Variants in PCDHA11 observed in about 807,000 individuals in gnomAD.
PCDHA11 encodes the protein protocadherin alpha-11.
Under a neutral mutation model 70.3 loss-of-function variants are expected in PCDHA11, and 61 were observed. The observed-to-expected ratio is 0.87, with a 90% CI of 0.71 to 1.07. PCDHA11 has a LOEUF of 1.07. Among genes scored for constraint, PCDHA11 ranks in the 50% least tolerant of loss-of-function variants. The pLI, the probability that PCDHA11 is intolerant of heterozygous loss-of-function variation, is 0.00. For synonymous variants in PCDHA11, 633 were observed against 555.1 expected (o/e 1.14, Z -1.97); for missense variants, 1,324 against 1,237.5 (o/e 1.07, Z -1.05).
At chr5:140,871,552 AGT>A in intron 1 of PCDHA11, 58 bp downstream of exon 1, 1 of 1,493,376 alleles carries the variant, frequency 6.7e-7, no homozygotes, top group Non-Finnish European at 8.9e-7. Context: ...TTTAAAATCC[AGT>A]TTTTTTTCAC....
chr5:140,918,403 C>G (rs192008600), intron 1 of PCDHA11, among the ~76,000 whole-genome samples: 1 of 152,278 alleles, frequency 6.6e-6, no homozygotes, highest in African/African-American at 2.4e-5. Flanking sequence ...CCTGATTTCT[C>G]TGGCCAGGAC....
intron 1 of PCDHA11, among the ~76,000 whole-genome samples, chr5:140,898,790 AT>A (rs1193457354): frequency 2.6e-5 from 4 of 152,112 alleles, no homozygotes; most frequent in African/African-American, 7.2e-5. Flanking sequence ...CAGTATGGCC[AT>A]TTTCACGATA....
chr5:140,915,363 G>C (rs1554196864), intron 1 of PCDHA11, among the ~76,000 whole-genome samples: 1 of 152,136 alleles, frequency 6.6e-6, no homozygotes, highest in Non-Finnish European at 1.5e-5. Context: ...ATTCTTACCA[G>C]TAAGTGTCTC....
At chr5:140,887,757 C>T (rs1303665192) in intron 1 of PCDHA11, among the ~76,000 whole-genome samples, 16 of 152,166 alleles carry the variant, frequency 1.1e-4, no homozygotes, top group Admixed American at 9.8e-4. Flanking sequence ...TCCAGTAACA[C>T]ATATGTTACA....
intron 1 of PCDHA11, among the ~76,000 whole-genome samples, chr5:140,959,596 A>G (rs2095498979): frequency 6.6e-6 from 1 of 152,224 alleles, no homozygotes; most frequent in Non-Finnish European, 1.5e-5. Flanking sequence ...AGCCAAGTAT[A>G]ACATGCTTTT....
intron 1 of PCDHA11, among the ~76,000 whole-genome samples, chr5:140,899,853 G>T (rs2067594174): frequency 6.6e-6 from 1 of 152,118 alleles, no homozygotes; most frequent in South Asian, 2.1e-4. Context: ...TGTCACCCAG[G>T]CTGGAGTGCA....
In PCDHA11 at chr5:140,870,209, C is replaced by T. The variant is rs1174096449; in HGVS notation, c.1106C>T (p.Ala369Val). 3 of 1,614,176 alleles carry T rather than the reference C, an allele frequency of 1.9e-6. No homozygotes were observed. The highest frequency in any genetic ancestry group is 4.5e-5 in the East Asian group (2 of 44,882). Residue 369 changes from alanine to valine, a missense_variant, in exon 1 of 4, where the codon GCC becomes GTC. Ala to Val is a moderately conservative substitution (Grantham distance 64). Transcript: ENST00000398640. ...REDAQPSTVI[A>V]LISVSDRDSG... ...GACGCTCAGCCCAGCACGGTCATTGCCCTGATCAGCGTGTCTGACCGTGAC... is the reference window on the plus strand; with the variant it reads ...GACGCTCAGCCCAGCACGGTCATTGTCCTGATCAGCGTGTCTGACCGTGAC...
chr5:140,985,096 C>A (rs1486346952), intron 3 of PCDHA11, among the ~76,000 whole-genome samples: 1 of 152,096 alleles, frequency 6.6e-6, no homozygotes, highest in Non-Finnish European at 1.5e-5. Context: ...TGCCACCAAG[C>A]CTGGCTAATT....
intron 1 of PCDHA11, among the ~76,000 whole-genome samples, chr5:140,969,689 G>C (rs2096353737): frequency 6.6e-6 from 1 of 152,136 alleles, no homozygotes; most frequent in Admixed American, 6.5e-5. Context: ...AGGAGAAATG[G>C]CCTCTGCTGT....
intron 1 of PCDHA11, among the ~76,000 whole-genome samples, chr5:140,978,595 G>A (rs2096811492): frequency 6.6e-6 from 1 of 152,214 alleles, no homozygotes; most frequent in African/African-American, 2.4e-5. Flanking sequence ...CCTTAATGGG[G>A]CACTTGAGGG....
At chr5:140,883,627 G>A (rs781902332) in intron 1 of PCDHA11, 34 of 1,613,816 alleles carry the variant, frequency 2.1e-5, no homozygotes, top group Non-Finnish European at 2.7e-5. Context: ...ACAACGCGCC[G>A]GCGTTCGCGC....
intron 1 of PCDHA11, among the ~76,000 whole-genome samples, chr5:140,880,638 T>C (rs1239160653): frequency 6.6e-6 from 1 of 152,134 alleles, no homozygotes; most frequent in Non-Finnish European, 1.5e-5. Flanking sequence ...ATCAATTCAC[T>C]TGAGAGCCCA....
chr5:140,998,275 A>G (rs1554256218), intron 3 of PCDHA11, among the ~76,000 whole-genome samples: 1 of 152,198 alleles, frequency 6.6e-6, no homozygotes, highest in African/African-American at 2.4e-5. Context: ...TGACACCCAT[A>G]GGATTAAATC....
intron 1 of PCDHA11, among the ~76,000 whole-genome samples, chr5:140,961,220 G>T (rs2095597952): frequency 6.6e-6 from 1 of 152,032 alleles, no homozygotes; most frequent in Non-Finnish European, 1.5e-5. Flanking sequence ...GAAGAAACTG[G>T]GTCCCAAAAA....
rs2050760003 is a variant in PCDHA11 at position 140,868,957 on chromosome 5, A to T, written c.-147A>T. ...TTGGTCTGAACAGTGAGGCACTCCC[A>T]TACAAAGGAACTCCATCATACCGGA... On this transcript the variant is annotated 5_prime_UTR_variant, in exon 1 of 4. Coordinates refer to ENST00000398640, the MANE Select transcript of PCDHA11 (RefSeq NM_018902.5). 7.2e-7 allele frequency: 1 copy of T among 1,389,232 alleles called. No individual in the cohort carries two copies. The highest frequency in any genetic ancestry group is 9.7e-7 in the Non-Finnish European group (1 of 1,033,632). The allele number at this position is 1,389,232 out of a possible 1,614,324, so 86.1% of individuals were successfully genotyped here.
At chr5:140,915,753 G>A (rs1196952771) in intron 1 of PCDHA11, among the ~76,000 whole-genome samples, 1 of 151,952 alleles carries the variant, frequency 6.6e-6, no homozygotes, top group Non-Finnish European at 1.5e-5. Context: ...AGCCAGCACA[G>A]CCCTGGGTCT....
chr5:140,920,858 A>AG (rs2079893810), intron 1 of PCDHA11, among the ~76,000 whole-genome samples: 1 of 151,604 alleles, frequency 6.6e-6, no homozygotes, highest in African/African-American at 2.4e-5. Context: ...AAAAAAAAAA[A>AG]CAAACAAACT....
intron 1 of PCDHA11, among the ~76,000 whole-genome samples, chr5:140,886,563 C>CA (rs1344648100): frequency 6.6e-6 from 1 of 152,024 alleles, no homozygotes. Context: ...CACGGTGGCT[C>CA]ACGCCTGTAA....
At chr5:140,905,990 G>A (rs569951946) in intron 1 of PCDHA11, among the ~76,000 whole-genome samples, 5 of 152,280 alleles carry the variant, frequency 3.3e-5, no homozygotes, top group Admixed American at 1.3e-4. Flanking sequence ...GAAAGATGTA[G>A]GCTGGGAGGC....
Sources: allele counts gnomAD v4.1 joint callset (sites outside exome capture counted in the v4.1 genomes callset), GRCh38; gene constraint gnomAD v4.1.1; transcripts MANE v1.5; gene names NCBI Gene and HGNC (gene_info 2026-07-23, HGNC 2026-07-21).